Variants in LSAMP observed in about 807,000 individuals in gnomAD.
LSAMP encodes the protein limbic system associated membrane protein.
In LSAMP, 7 loss-of-function variants were observed where a neutral mutation model predicts 38.6. That is an observed-to-expected ratio of 0.18 (90% confidence interval 0.10 to 0.34). The LOEUF (loss-of-function observed/expected upper bound fraction) is 0.34. Ranked by LOEUF, LSAMP falls within the 10% of genes least tolerant of loss-of-function variation. The pLI is 1.00. For synonymous variants in LSAMP, 154 were observed against 166.8 expected (o/e 0.92, Z 0.59); for missense variants, 313 against 420.0 (o/e 0.75, Z 2.23).
chr3:116,427,193 T>C (rs2049210292), intron 1 of LSAMP, among the ~76,000 whole-genome samples: 1 of 143,438 alleles, frequency 7.0e-6, no homozygotes, highest in Admixed American at 7.4e-5. Context: ...CAATCTCGGC[T>C]CACTGCAAGC....
intron 1 of LSAMP, among the ~76,000 whole-genome samples, chr3:116,145,287 G>C (rs1709465339): frequency 6.6e-6 from 1 of 151,684 alleles, no homozygotes; most frequent in African/African-American, 2.4e-5. Flanking sequence ...CAGTTTTCCA[G>C]AGAACCAGAG....
intron 1 of LSAMP, among the ~76,000 whole-genome samples, chr3:116,223,932 A>G (rs1037117431): frequency 1.3e-5 from 2 of 152,124 alleles, no homozygotes; most frequent in Non-Finnish European, 2.9e-5. Context: ...CCAGGGGAAT[A>G]TTTTAAAGTG....
chr3:116,292,648 C>T (rs553758348), intron 1 of LSAMP, among the ~76,000 whole-genome samples: 3 of 152,274 alleles, frequency 2.0e-5, no homozygotes, highest in African/African-American at 7.2e-5. Flanking sequence ...TTTTGTTCAA[C>T]TCAGTGTACT....
At chr3:116,155,622 GGTGTGTGT>G (rs772559811) in intron 1 of LSAMP, among the ~76,000 whole-genome samples, 2 of 123,832 alleles carry the variant, frequency 1.6e-5, no homozygotes, top group African/African-American at 5.4e-5. Context: ...TATACAAGAG[GGTGTGTGT>G]GTGTGTATAT....
In LSAMP at chr3:116,108,914, T is replaced by C. The variant is rs9882176; in HGVS notation, c.156-22358A>G. ...AAGGAATTGCAACTTTTTTCTGTTA[T>C]TGTACACCTTGAAGGTGAGGTTAAT... is the stretch of plus-strand genomic sequence containing the variant. On this transcript the variant is annotated intron_variant, in intron 1 of 6. Coordinates refer to ENST00000490035, the MANE Select transcript of LSAMP (RefSeq NM_002338.5). Among the ~76,000 whole-genome samples the C allele has an allele frequency of 8.8e-3, 1,345 of 152,298 alleles. 20 individuals are homozygous for C. The highest frequency in any genetic ancestry group is 0.029 in the African/African-American group (1,214 of 41,556).
At chr3:116,047,386 A>C (rs887244574) in intron 2 of LSAMP, among the ~76,000 whole-genome samples, 137 of 151,560 alleles carry the variant, frequency 9.0e-4, no homozygotes, top group African/African-American at 2.8e-3. Flanking sequence ...AAAAAAAAAA[A>C]AAAACAAAAC....
chr3:115,851,127 C>T (rs1935317849), intron 4 of LSAMP, among the ~76,000 whole-genome samples: 1 of 152,154 alleles, frequency 6.6e-6, no homozygotes, highest in African/African-American at 2.4e-5. Context: ...GCACCCGCCA[C>T]CACACCCAGC....
Position 116,027,853 on chromosome 3 carries a change from T to C in LSAMP, c.389-8213A>G, listed in dbSNP as rs9289037. Among the ~76,000 whole-genome samples, 404 of 152,194 alleles carry C rather than the reference T, an allele frequency of 2.7e-3. 3 individuals are homozygous for C. Among genetic ancestry groups the C allele is most frequent in the African/African-American group, 9.4e-3 (391 of 41,524 alleles). On this transcript the variant is annotated intron_variant, in intron 2 of 6. Coordinates refer to ENST00000490035, the MANE Select transcript of LSAMP (RefSeq NM_002338.5). ...GCTCATTTCCCTAACCTCAAATAAT[T>C]AGCGGTTATTATTTGTACTCAATTC...
chr3:116,413,723 G>C lies in LSAMP; in HGVS notation c.155+31154C>G, dbSNP rs559173567. On this transcript the variant is annotated intron_variant, in intron 1 of 6. Coordinates refer to ENST00000490035, the MANE Select transcript of LSAMP (RefSeq NM_002338.5). Reference sequence around the variant, plus strand: ...TGGGTACAAATTATCCACAGAAAAAGTCTCAGATACCAATTGTAGTTCAGG... The same window carrying C: ...TGGGTACAAATTATCCACAGAAAAACTCTCAGATACCAATTGTAGTTCAGG... Among the ~76,000 whole-genome samples the C allele has an allele frequency of 7.9e-5, 12 of 152,090 alleles. No individual in the cohort carries two copies. The East Asian group carries it at 1.4e-3, about 17-fold the overall frequency.
chr3:116,322,271 A>G (rs2047715849), intron 1 of LSAMP, among the ~76,000 whole-genome samples: 1 of 152,194 alleles, frequency 6.6e-6, no homozygotes, highest in Non-Finnish European at 1.5e-5. Flanking sequence ...CTTTTGGTAT[A>G]GTAATTTTAT....
intron 1 of LSAMP, among the ~76,000 whole-genome samples, chr3:116,250,147 A>C (rs150476041): frequency 9.3e-4 from 141 of 152,338 alleles, no homozygotes; most frequent in African/African-American, 3.2e-3. Flanking sequence ...TATTCAATGA[A>C]GTAAATAGCA....
chr3:116,016,925 A>T (rs1236113895), intron 3 of LSAMP, among the ~76,000 whole-genome samples: 1 of 152,092 alleles, frequency 6.6e-6, no homozygotes, highest in Non-Finnish European at 1.5e-5. Context: ...TCTGTTACTG[A>T]CTATTGAGAA....
intron 1 of LSAMP, among the ~76,000 whole-genome samples, chr3:116,270,729 T>G (rs554137394): frequency 1.3e-4 from 20 of 152,206 alleles, no homozygotes; most frequent in African/African-American, 4.6e-4. Context: ...GGGCTCCCTG[T>G]TTATCCTGTA....
chr3:116,104,884 G>T (rs1708427924), intron 1 of LSAMP, among the ~76,000 whole-genome samples: 1 of 152,144 alleles, frequency 6.6e-6, no homozygotes, highest in Non-Finnish European at 1.5e-5. Context: ...TTGTAAACCA[G>T]AATTTTTCTA....
Position 116,012,287 on chromosome 3 carries a change from T to C in LSAMP, c.514+7228A>G, listed in dbSNP as rs527851761. 2.0e-5 allele frequency among the ~76,000 whole-genome samples: 3 copies of C among 152,374 alleles called. No individual in the cohort carries two copies. The East Asian group carries it at 5.8e-4, about 29-fold the overall frequency. ...ATTTGCTTATTTGTTTGCTTGTTTATTTTTCTGTGTAACTCCTCTCTGTTG... is the reference window on the plus strand; with the variant it reads ...ATTTGCTTATTTGTTTGCTTGTTTACTTTTCTGTGTAACTCCTCTCTGTTG... On this transcript the variant is annotated intron_variant, in intron 3 of 6. Transcript: ENST00000490035.
intron 1 of LSAMP, among the ~76,000 whole-genome samples, chr3:116,272,166 TA>T (rs1233303604): frequency 6.6e-6 from 1 of 150,970 alleles, no homozygotes; most frequent in East Asian, 1.9e-4. Context: ...ATATATATAA[TA>T]AAAACAACAC....
intron 1 of LSAMP, among the ~76,000 whole-genome samples, chr3:116,323,333 G>A (rs77301945): frequency 0.025 from 3,810 of 151,890 alleles, 153 homozygotes; most frequent in African/African-American, 0.084. Flanking sequence ...GTCAATCATA[G>A]CATCTGTTTT....
chr3:116,328,541 G>A (rs1176426269), intron 1 of LSAMP, among the ~76,000 whole-genome samples: 1 of 152,078 alleles, frequency 6.6e-6, no homozygotes, highest in Non-Finnish European at 1.5e-5. Flanking sequence ...TTAATTATTA[G>A]AATTGTCATA....
At chr3:115,985,340 A>G (rs1301915010) in intron 3 of LSAMP, among the ~76,000 whole-genome samples, 1 of 152,218 alleles carries the variant, frequency 6.6e-6, no homozygotes, top group Non-Finnish European at 1.5e-5. Flanking sequence ...AACTAGATAC[A>G]TGATCTATGA....
Sources: allele counts gnomAD v4.1 joint callset (sites outside exome capture counted in the v4.1 genomes callset), GRCh38; gene constraint gnomAD v4.1.1; transcripts MANE v1.5; gene names NCBI Gene and HGNC (gene_info 2026-07-23, HGNC 2026-07-21).